Variants in SSBP2 observed in about 807,000 individuals in gnomAD.
SSBP2 encodes the protein single stranded DNA binding protein 2.
In SSBP2, 17 loss-of-function variants were observed where a neutral mutation model predicts 61.8. The ratio of observed to expected loss-of-function variants is 0.28; its 90% CI spans 0.19 to 0.41. SSBP2 has a LOEUF of 0.41. SSBP2 is among the 10% of genes least tolerant of loss of function. The probability of loss-of-function intolerance (pLI) is 1.00; values close to 1 mark genes in which losing one functional copy is unlikely to be tolerated. For synonymous variants in SSBP2, 139 were observed against 141.3 expected (o/e 0.98, Z 0.12); for missense variants, 310 against 458.7 (o/e 0.68, Z 2.96).
At position 81,698,191 on chromosome 5, in the gene SSBP2, T is replaced by C. The variant is rs534989231; in HGVS notation, c.63-47852A>G. Among the ~76,000 whole-genome samples, 127 of 152,320 alleles carry C rather than the reference T, an allele frequency of 8.3e-4. 1 individual carries two copies. Among genetic ancestry groups the C allele is most frequent in the African/African-American group, 3.0e-3 (124 of 41,574 alleles). On this transcript the variant is annotated intron_variant, in intron 1 of 16. Coordinates refer to ENST00000320672, the MANE Select transcript of SSBP2 (RefSeq NM_012446.5). ...ATGTACCAACCACAAAATCAGATTA[T>C]AGTAAAAAATAATTTTAAGATTTTT...
chr5:81,470,484 C>A (rs773035566), intron 8 of SSBP2, among the ~76,000 whole-genome samples: 1 of 151,098 alleles, frequency 6.6e-6, no homozygotes, highest in Non-Finnish European at 1.5e-5. Context: ...TCTTCATACA[C>A]GCATTAAGTA....
intron 10 of SSBP2, 36 bp downstream of exon 10, chr5:81,461,019 T>C (rs577930829): frequency 5.6e-6 from 7 of 1,251,190 alleles, no homozygotes; most frequent in East Asian, 3.0e-5. Flanking sequence ...TGTTACAAAA[T>C]GCAAAATATT....
In SSBP2 at chr5:81,513,609, T is replaced by C; in HGVS notation, c.372+19A>G. The C allele has an allele frequency of 6.8e-7, 1 of 1,474,852 alleles. No homozygotes were observed. 91.4% of individuals were successfully genotyped at this position (1,474,852 alleles called of 1,614,324 possible). ...AGTTCCTATGCTTTAACATTCCTAGTCAGAGTTTCTCTGAGTACCTGAAAG... is the reference window on the plus strand; with the variant it reads ...AGTTCCTATGCTTTAACATTCCTAGCCAGAGTTTCTCTGAGTACCTGAAAG... On this transcript the variant is annotated intron_variant, in intron 5 of 16. Transcript: ENST00000320672.
chr5:81,740,252 T>A (rs768741366), intron 1 of SSBP2, among the ~76,000 whole-genome samples: 2 of 151,840 alleles, frequency 1.3e-5, no homozygotes, highest in African/African-American at 4.8e-5. Flanking sequence ...AGTTTTTCCA[T>A]TACAATATTT....
intron 1 of SSBP2, among the ~76,000 whole-genome samples, chr5:81,702,788 C>T (rs1235696144): frequency 1.3e-5 from 2 of 152,124 alleles, no homozygotes; most frequent in Non-Finnish European, 2.9e-5. Context: ...CACTATGTCC[C>T]CCTGAAGAGC....
intron 4 of SSBP2, among the ~76,000 whole-genome samples, chr5:81,593,489 A>C (rs1330216382): frequency 6.6e-6 from 1 of 152,192 alleles, no homozygotes; most frequent in Non-Finnish European, 1.5e-5. Context: ...AAATACAGAG[A>C]ACGCCACAAA....
rs1761222763 is a variant in SSBP2 at position 81,414,038 on chromosome 5, TTTC to T, written c.*6463_*6465del. 6.6e-6 allele frequency: 1 copy of T among 152,190 alleles called. No individual in the cohort carries two copies. The highest frequency in any genetic ancestry group is 1.5e-5 in the Non-Finnish European group (1 of 67,994). The allele number at this position is 152,190 out of a possible 1,614,324, so 9.4% of individuals were successfully genotyped here. On this transcript the variant is annotated 3_prime_UTR_variant, in exon 17 of 17. Coordinates refer to ENST00000320672, the MANE Select transcript of SSBP2 (RefSeq NM_012446.5). Reference sequence around the variant, plus strand: ...TAGGAGTAAGTCCTTTACATCATTTTTTCTAGGAACATTAATAGTTGCCTTTGT... The same window carrying T: ...TAGGAGTAAGTCCTTTACATCATTTTTAGGAACATTAATAGTTGCCTTTGT...
chr5:81,497,524 T>C (rs907656357), intron 5 of SSBP2, among the ~76,000 whole-genome samples: 9 of 152,146 alleles, frequency 5.9e-5, no homozygotes, highest in Admixed American at 3.3e-4. Context: ...GCAGTATCCG[T>C]TGATGTGGTA....
chr5:81,727,881 G>C (rs1755997956), intron 1 of SSBP2, among the ~76,000 whole-genome samples: 1 of 152,106 alleles, frequency 6.6e-6, no homozygotes, highest in South Asian at 2.1e-4. Flanking sequence ...AGTGAAACAA[G>C]GTACAGGGTG....
chr5:81,737,626 CA>C (rs34670292), intron 1 of SSBP2, among the ~76,000 whole-genome samples: 99,801 of 148,174 alleles, frequency 0.67, 33,575 homozygotes, highest in African/African-American at 0.75. Flanking sequence ...ACTAAAAATA[CA>C]AAAAAAAAAA....
At chr5:81,746,598 A>T (rs762186031) in intron 1 of SSBP2, among the ~76,000 whole-genome samples, 1 of 152,128 alleles carries the variant, frequency 6.6e-6, no homozygotes, top group Non-Finnish European at 1.5e-5. Flanking sequence ...TCCCTTTTAT[A>T]TGAAGTGGCA....
intron 4 of SSBP2, among the ~76,000 whole-genome samples, chr5:81,586,626 C>CAAAAA (rs35214821): frequency 8.7e-6 from 1 of 114,292 alleles, no homozygotes; most frequent in Non-Finnish European, 1.9e-5. Flanking sequence ...CTGCAGTATG[C>CAAAAA]AAAAAAAAAA....
At chr5:81,737,934 GTCTCC>G (rs1756735432) in intron 1 of SSBP2, among the ~76,000 whole-genome samples, 1 of 151,798 alleles carries the variant, frequency 6.6e-6, no homozygotes, top group African/African-American at 2.4e-5. Flanking sequence ...TCCCTCATAT[GTCTCC>G]GTTCTTTTCA....
intron 4 of SSBP2, among the ~76,000 whole-genome samples, chr5:81,526,514 T>C (rs1769952036): frequency 6.6e-6 from 1 of 151,966 alleles, no homozygotes. Context: ...AAATACTGAG[T>C]AATAAGACTA....
chr5:81,574,765 G>A (rs4529168), intron 4 of SSBP2, among the ~76,000 whole-genome samples: 55,540 of 151,772 alleles, frequency 0.37, 13,817 homozygotes, highest in African/African-American at 0.72. Context: ...AGCAAAAGCC[G>A]GAACACACAG....
intron 9 of SSBP2, among the ~76,000 whole-genome samples, chr5:81,463,470 C>CG (rs1370328434): frequency 6.6e-6 from 1 of 152,056 alleles, no homozygotes; most frequent in South Asian, 2.1e-4. Context: ...GAGGCCGAGG[C>CG]GGGGGGACCA....
At chr5:81,596,037 G>A (rs1743712097) in intron 4 of SSBP2, among the ~76,000 whole-genome samples, 1 of 152,144 alleles carries the variant, frequency 6.6e-6, no homozygotes, top group Non-Finnish European at 1.5e-5. Flanking sequence ...AGGAAAAGAG[G>A]AAGTCAAATT....
chr5:81,474,090 T>G (rs1465002353), intron 7 of SSBP2, among the ~76,000 whole-genome samples: 3 of 152,170 alleles, frequency 2.0e-5, no homozygotes, highest in Non-Finnish European at 2.9e-5. Context: ...ATTTGGTTAT[T>G]GAGATTGTTA....
chr5:81,663,630 A>G (rs1750879797), intron 1 of SSBP2, among the ~76,000 whole-genome samples: 1 of 152,202 alleles, frequency 6.6e-6, no homozygotes, highest in Non-Finnish European at 1.5e-5. Context: ...ATATCATTAG[A>G]TAAGTGCCTA....
Sources: allele counts gnomAD v4.1 joint callset (sites outside exome capture counted in the v4.1 genomes callset), GRCh38; gene constraint gnomAD v4.1.1; transcripts MANE v1.5; gene names NCBI Gene and HGNC (gene_info 2026-07-23, HGNC 2026-07-21).